Variants in PKNOX2 observed in about 807,000 individuals in gnomAD.
The protein encoded by PKNOX2 is PBX/knotted 1 homeobox 2.
Under a neutral mutation model 53.1 loss-of-function variants are expected in PKNOX2, and 14 were observed. The observed-to-expected ratio is 0.26, with a 90% CI of 0.17 to 0.41. The LOEUF (loss-of-function observed/expected upper bound fraction) is 0.41. PKNOX2 is among the 10% of genes least tolerant of loss of function. The pLI is 1.00. For synonymous variants in PKNOX2, 257 were observed against 242.8 expected (o/e 1.06, Z -0.54); for missense variants, 496 against 602.8 (o/e 0.82, Z 1.85).
chr11:125,354,663 C>T (rs1254481562), intron 4 of PKNOX2, among the ~76,000 whole-genome samples: 2 of 152,106 alleles, frequency 1.3e-5, no homozygotes, highest in African/African-American at 2.4e-5. Context: ...ATTCCCAAGC[C>T]CCGGACCTTC....
chr11:125,361,382 G>A (rs1951916383), intron 4 of PKNOX2, among the ~76,000 whole-genome samples: 2 of 152,210 alleles, frequency 1.3e-5, no homozygotes, highest in Middle Eastern at 6.8e-3. Context: ...ATGGCGGTGG[G>A]AGGTAGGAAG....
chr11:125,408,849 T>C (rs1370958571), intron 7 of PKNOX2, among the ~76,000 whole-genome samples: 1 of 152,178 alleles, frequency 6.6e-6, no homozygotes. Context: ...AACCCTAGAC[T>C]TGCCCTGGAG....
At chr11:125,182,258 C>T (rs1187282173) in intron 1 of PKNOX2, among the ~76,000 whole-genome samples, 1 of 152,026 alleles carries the variant, frequency 6.6e-6, no homozygotes, top group Non-Finnish European at 1.5e-5. Flanking sequence ...AGTTGGTTGC[C>T]CTGTGAGTCA....
chr11:125,393,364 A>G (rs555233187), intron 6 of PKNOX2, among the ~76,000 whole-genome samples: 6 of 152,120 alleles, frequency 3.9e-5, no homozygotes, highest in African/African-American at 1.4e-4. Context: ...AAGGCGGGAG[A>G]GATTTTGATT....
intron 2 of PKNOX2, among the ~76,000 whole-genome samples, chr11:125,285,432 GAT>G (rs1946836777): frequency 6.6e-6 from 1 of 152,192 alleles, no homozygotes. Flanking sequence ...AAAGAGTTTA[GAT>G]CTGATCTAAT....
chr11:125,243,724 G>A (rs2135620416), intron 2 of PKNOX2, among the ~76,000 whole-genome samples: 1 of 151,712 alleles, frequency 6.6e-6, no homozygotes, highest in South Asian at 2.1e-4. Context: ...TTTGGTTCAT[G>A]CCGTTCTCCT....
At chr11:125,283,948 T>A (rs1946736131) in intron 2 of PKNOX2, among the ~76,000 whole-genome samples, 1 of 152,142 alleles carries the variant, frequency 6.6e-6, no homozygotes, top group East Asian at 1.9e-4. Context: ...CTTGGGAAAG[T>A]GATATAACAT....
At chr11:125,289,482 C>T (rs890092151) in intron 2 of PKNOX2, among the ~76,000 whole-genome samples, 2 of 152,170 alleles carry the variant, frequency 1.3e-5, no homozygotes, top group African/African-American at 4.8e-5. Context: ...AACATGGTTG[C>T]ACTTTGCTAC....
At chr11:125,255,208 G>A (rs933633182) in intron 2 of PKNOX2, among the ~76,000 whole-genome samples, 1 of 152,206 alleles carries the variant, frequency 6.6e-6, no homozygotes, top group South Asian at 2.1e-4. Context: ...TGAAACGAGC[G>A]AATGCATACC....
chr11:125,307,171 G>A (rs1227955641), intron 2 of PKNOX2, among the ~76,000 whole-genome samples: 18 of 152,192 alleles, frequency 1.2e-4, no homozygotes, highest in Admixed American at 1.2e-3. Context: ...TCATTTGTTG[G>A]AAATAAGGAT....
At chr11:125,198,087 C>T (rs1937949941) in intron 1 of PKNOX2, among the ~76,000 whole-genome samples, 1 of 152,200 alleles carries the variant, frequency 6.6e-6, no homozygotes, top group Non-Finnish European at 1.5e-5. Flanking sequence ...GTCTGTGTTT[C>T]CCAGCAACAC....
chr11:125,247,670 C>A (rs1467049189), intron 2 of PKNOX2, among the ~76,000 whole-genome samples: 1 of 152,202 alleles, frequency 6.6e-6, no homozygotes. Context: ...GCAGCAGCCT[C>A]CCTCTCTAGT....
At chr11:125,262,899 G>A (rs1316547258) in intron 2 of PKNOX2, among the ~76,000 whole-genome samples, 1 of 151,970 alleles carries the variant, frequency 6.6e-6, no homozygotes, top group African/African-American at 2.4e-5. Context: ...CTATTTCTAT[G>A]ATCCGTTTCC....
intron 9 of PKNOX2, chr11:125,411,462 TTCTCTC>T (rs3028442): frequency 0.055 from 13,919 of 251,214 alleles, 153 homozygotes; most frequent in Middle Eastern, 0.066. Flanking sequence ...TCCTCTGTCT[TTCTCTC>T]TCTCTCTCTC....
intron 1 of PKNOX2, among the ~76,000 whole-genome samples, chr11:125,173,979 C>T (rs1258177072): frequency 6.6e-6 from 1 of 152,126 alleles, no homozygotes; most frequent in Admixed American, 6.5e-5. Flanking sequence ...GCAAGTGAGC[C>T]CTACCCCAGA....
At position 125,410,294 on chromosome 11, in the gene PKNOX2, C is replaced by T. The variant is rs747954570; in HGVS notation, c.687C>T (p.Ala229=). 6 of 1,613,976 alleles carry T rather than the reference C, an allele frequency of 3.7e-6. No individual in the cohort carries two copies. The Admixed American group carries it at 1.0e-4, about 27-fold the overall frequency. The change falls in exon 8 of 13, where the codon GCC becomes GCT. Residue 229 remains alanine (A), a synonymous_variant. Transcript: ENST00000298282. ...CAGCGCTCCAGCAGGGCAACATCGC[C>T]ATGACAACCGTCAACTCACAAGTTG... The part of the protein sequence containing the change: ...PASALQQGNI[A]MTTVNSQVVS...
chr11:125,269,245 C>T (rs1475060467), intron 2 of PKNOX2, among the ~76,000 whole-genome samples: 1 of 152,076 alleles, frequency 6.6e-6, no homozygotes, highest in Non-Finnish European at 1.5e-5. Context: ...CTCAAGATGT[C>T]CCCCTCTCTC....
chr11:125,295,645 G>A (rs1947608881), intron 2 of PKNOX2, among the ~76,000 whole-genome samples: 1 of 152,198 alleles, frequency 6.6e-6, no homozygotes. Context: ...AGACCCTAGT[G>A]TCAGGTGTGT....
intron 2 of PKNOX2, among the ~76,000 whole-genome samples, chr11:125,298,288 C>T (rs943496087): frequency 6.6e-6 from 1 of 152,188 alleles, no homozygotes; most frequent in Non-Finnish European, 1.5e-5. Context: ...AAAATTCAGG[C>T]ATCCCACTGA....
Sources: allele counts gnomAD v4.1 joint callset (sites outside exome capture counted in the v4.1 genomes callset), GRCh38; gene constraint gnomAD v4.1.1; transcripts MANE v1.5; gene names NCBI Gene and HGNC (gene_info 2026-07-23, HGNC 2026-07-21).